The following ADGRF3 variants were observed in gnomAD, a reference collection of about 807,000 sequenced individuals.
ADGRF3 encodes the protein adhesion G protein-coupled receptor F3, also known as G protein-coupled receptor 113.
A neutral mutation model predicts 93.2 loss-of-function variants in ADGRF3; 85 were observed. That is an observed-to-expected ratio of 0.91 (90% confidence interval 0.77 to 1.09). The LOEUF (loss-of-function observed/expected upper bound fraction) is 1.09, where lower values mean the gene tolerates loss of function less well. ADGRF3 is among the 50% of genes least tolerant of loss of function. The pLI is 0.00. For missense variants in ADGRF3, 1,125 were observed against 1,246.2 expected (o/e 0.90, Z 1.46); for synonymous variants, 534 against 532.5 (o/e 1.00, Z -0.04).
Position 26,309,978 on chromosome 2 carries a change from G to A in ADGRF3, c.2937+65C>T, listed in dbSNP as rs763225860. ...GGCTGTGCCCATGTCCTCTGAGGAG[G>A]GCCATGGAATGCCTTCTGACATGCT... On this transcript the variant is annotated intron_variant, in intron 12 of 13. Transcript: ENST00000651242. 4 of 1,613,894 alleles carry A rather than the reference G, an allele frequency of 2.5e-6. No individual in the cohort carries two copies. In the East Asian group the frequency reaches 8.9e-5, roughly 36 times the overall value.
At chr2:26,318,763 G>A in intron 1 of ADGRF3, 1 of 774,672 alleles carries the variant, frequency 1.3e-6, no homozygotes, top group African/African-American at 1.7e-5. Flanking sequence ...GGAAACAAGA[G>A]CTATCCCCCA....
In ADGRF3 at chr2:26,312,078, C is replaced by T. The variant is rs1306089401; in HGVS notation, c.1450-4G>A. 8 of 1,599,724 alleles carry T rather than the reference C, an allele frequency of 5.0e-6. No individual in the cohort carries two copies. The African/African-American group carries it at 8.0e-5, about 16-fold the overall frequency. Reference sequence around the variant, plus strand: ...TGTCTGTGGCAATCAGGAGATTCTGCAGCACCCAAAAGAAAGATGAACCCC... The same window carrying T: ...TGTCTGTGGCAATCAGGAGATTCTGTAGCACCCAAAAGAAAGATGAACCCC... On this transcript the variant is annotated splice_region_variant and splice_polypyrimidine_tract_variant and intron_variant, in intron 9 of 13. Transcript: ENST00000651242.
rs150568284 is a variant in ADGRF3 at position 26,318,945 on chromosome 2, T to A, written c.115-1383A>T. 15,380 of 1,551,616 alleles carry A rather than the reference T, an allele frequency of 9.9e-3. 102 individuals carry two copies. The highest frequency in any genetic ancestry group is 0.011 in the Non-Finnish European group (12,868 of 1,146,942). On this transcript the variant is annotated intron_variant, in intron 1 of 13. Coordinates refer to ENST00000651242, the MANE Select transcript of ADGRF3 (RefSeq NM_001321971.2). ...GTCGCCTCTGCAGACCTTCCCTGGG[T>A]CTCACCCCAGTCTCACTTACAGGTT...
At position 26,346,363 on chromosome 2, in the gene ADGRF3, G is replaced by C. The variant is rs1463951140; in HGVS notation, c.-129C>G. The stretch of plus-strand genomic sequence containing the variant: ...GGCGGCTGAGGGGCCCGCGCGGCGC[G>C]GTCCGTGTCACCTTGTGCCGCGTGG... On this transcript the variant is annotated 5_prime_UTR_variant, in exon 1 of 14. Transcript: ENST00000651242. 4 of 1,497,824 alleles carry C rather than the reference G, an allele frequency of 2.7e-6. No homozygotes were observed. Among genetic ancestry groups the C allele is most frequent in the African/African-American group, 1.4e-5 (1 of 71,040 alleles). The allele number at this position is 1,497,824 out of a possible 1,614,324, so 92.8% of individuals were successfully genotyped here.
At chr2:26,342,921 C>T (rs1676471110) in intron 1 of ADGRF3, among the ~76,000 whole-genome samples, 1 of 152,148 alleles carries the variant, frequency 6.6e-6, no homozygotes, top group Non-Finnish European at 1.5e-5. Context: ...TTAGGATTCA[C>T]AGAATTCTGC....
chr2:26,330,314 A>T (rs1481846716), intron 1 of ADGRF3, among the ~76,000 whole-genome samples: 2 of 152,196 alleles, frequency 1.3e-5, no homozygotes, highest in African/African-American at 4.8e-5. Context: ...AAGTGATCCC[A>T]GGAGCTCATA....
chr2:26,333,038 G>A (rs1046216304), intron 1 of ADGRF3, among the ~76,000 whole-genome samples: 13 of 152,070 alleles, frequency 8.5e-5, no homozygotes, highest in African/African-American at 3.1e-4. Context: ...AGGAACCACA[G>A]GTATTCATCA....
intron 9 of ADGRF3, among the ~76,000 whole-genome samples, 189 bp downstream of exon 9, chr2:26,312,754 G>A (rs1674294779): frequency 1.3e-5 from 2 of 152,202 alleles, no homozygotes; most frequent in Admixed American, 1.3e-4. Context: ...CCAGCGCCAG[G>A]CCTCCATTCT....
At chr2:26,346,088 G>C in intron 1 of ADGRF3, 33 bp downstream of exon 1, 3 of 1,547,254 alleles carry the variant, frequency 1.9e-6, no homozygotes, top group Admixed American at 2.0e-5. Flanking sequence ...AGGCGGCTAC[G>C]CGTGCGCGGT....
intron 1 of ADGRF3, among the ~76,000 whole-genome samples, chr2:26,336,228 G>A (rs1676025093): frequency 6.6e-6 from 1 of 152,078 alleles, no homozygotes; most frequent in Non-Finnish European, 1.5e-5. Context: ...GAGTTAACCA[G>A]TCACGAACAA....
In ADGRF3 at chr2:26,315,537, A is replaced by T. The variant is rs531979294; in HGVS notation, c.703T>A (p.Ser235Thr). ...GQAALSVSNM[S>T]HHWAGEYMSC... ...GGCTGGCTACCTGCCCAGTGATGGG[A>T]CATGTTGGAGACGCTGAGGGCAGCC... Residue 235 changes from serine (S) to threonine (T), a missense_variant, in exon 5 of 14, where the codon TCC becomes ACC. Coordinates refer to ENST00000651242, the MANE Select transcript of ADGRF3 (RefSeq NM_001321971.2). 1.3e-6 allele frequency: 2 copies of T among 1,551,192 alleles called. No individual in the cohort carries two copies. The highest frequency in any genetic ancestry group is 4.9e-5 in the East Asian group (2 of 40,920).
At position 26,314,481 on chromosome 2, in the gene ADGRF3, C is replaced by T. The variant is rs757498086; in HGVS notation, c.861G>A (p.Leu287=). The change falls in exon 6 of 14, where the codon CTG becomes CTA. Residue 287 remains leucine (L), a synonymous_variant. Coordinates refer to ENST00000651242, the MANE Select transcript of ADGRF3 (RefSeq NM_001321971.2). ...ISCATSPGFQ[L]SCCIPSTNLA... The stretch of plus-strand genomic sequence containing the variant: ...GGTTTGTGCTGGGGATGCAGCAGCT[C>T]AGCTGGAAGCCAGGGGAGGTGGCAC... The T allele has an allele frequency of 6.2e-7, 1 of 1,614,044 alleles. No individual in the cohort carries two copies. The highest frequency in any genetic ancestry group is 1.7e-5 in the Admixed American group (1 of 60,030).
intron 1 of ADGRF3, among the ~76,000 whole-genome samples, chr2:26,323,725 G>A (rs1675285698): frequency 6.6e-6 from 1 of 151,554 alleles, no homozygotes; most frequent in South Asian, 2.1e-4. Context: ...CACCTCCTAG[G>A]TTTAAGTGAT....
intron 1 of ADGRF3, among the ~76,000 whole-genome samples, chr2:26,320,809 A>G (rs948915872): frequency 2.6e-5 from 4 of 152,204 alleles, no homozygotes; most frequent in African/African-American, 9.6e-5. Flanking sequence ...GTTGTGGGGG[A>G]AAAGTGAAGT....
In ADGRF3 at chr2:26,308,814, T is replaced by G; in HGVS notation, c.*272A>C. On this transcript the variant is annotated 3_prime_UTR_variant, in exon 14 of 14. Coordinates refer to ENST00000651242, the MANE Select transcript of ADGRF3 (RefSeq NM_001321971.2). ...AGTTTACTTGTAATTATTCCGCACT[T>G]TGATATCTGTCGATTATTTCTGGAG... 1 of 457,948 alleles carries G rather than the reference T, an allele frequency of 2.2e-6. No homozygotes were observed. Among genetic ancestry groups the G allele is most frequent in the Non-Finnish European group, 3.9e-6 (1 of 258,010 alleles). 28.4% of individuals were successfully genotyped at this position (457,948 alleles called of 1,614,324 possible).
rs1291947652 is a variant in ADGRF3, at chr2:26,318,686, G to A, written c.115-1124C>T. Among the ~76,000 whole-genome samples, 3 of 152,198 alleles carry A rather than the reference G, an allele frequency of 2.0e-5. No individual in the cohort carries two copies. In the East Asian group the frequency reaches 5.8e-4, roughly 29 times the overall value. ...TTTTCTTTTTCTTTTTAAATGGCCAGCTTGACTGAATGAGACTTTATCCAA... is the reference window on the plus strand; with the variant it reads ...TTTTCTTTTTCTTTTTAAATGGCCAACTTGACTGAATGAGACTTTATCCAA... On this transcript the variant is annotated intron_variant, in intron 1 of 13. Coordinates refer to ENST00000651242, the MANE Select transcript of ADGRF3 (RefSeq NM_001321971.2).
At chr2:26,326,859 G>A (rs1339231247) in intron 1 of ADGRF3, among the ~76,000 whole-genome samples, 1 of 152,040 alleles carries the variant, frequency 6.6e-6, no homozygotes, top group African/African-American at 2.4e-5. Flanking sequence ...TGCAACCTCC[G>A]TCTCCCAGGT....
At chr2:26,320,150 T>C (rs1044961128) in intron 1 of ADGRF3, among the ~76,000 whole-genome samples, 1 of 152,134 alleles carries the variant, frequency 6.6e-6, no homozygotes, top group African/African-American at 2.4e-5. Flanking sequence ...ATCAATAAGA[T>C]AGAAAATAGG....
In ADGRF3 at chr2:26,313,592, G is replaced by A; in HGVS notation, c.1073-19C>T. 6.3e-7 allele frequency: 1 copy of A among 1,592,782 alleles called. No individual in the cohort carries two copies. The highest frequency in any genetic ancestry group is 8.5e-7 in the Non-Finnish European group (1 of 1,171,450). On this transcript the variant is annotated intron_variant, in intron 7 of 13. Transcript: ENST00000651242. ...TCTCCATCTGAAGAATGACGAGCAG[G>A]CGCTACTCAGCAATCACAGCCTCAC...
Sources: allele counts gnomAD v4.1 joint callset (sites outside exome capture counted in the v4.1 genomes callset), GRCh38; gene constraint gnomAD v4.1.1; transcripts MANE v1.5; gene names NCBI Gene and HGNC (gene_info 2026-07-23, HGNC 2026-07-21).